PEX5L: variants seen among roughly 807,000 people sequenced by gnomAD.
The protein encoded by PEX5L is PEX5-related protein.
Under a neutral mutation model 84.0 loss-of-function variants are expected in PEX5L, and 30 were observed. That is an observed-to-expected ratio of 0.36 (90% CI 0.27 to 0.48). PEX5L has a LOEUF of 0.48. Among genes scored for constraint, PEX5L ranks in the 20% least tolerant of loss-of-function variants. The pLI, the probability that PEX5L is intolerant of heterozygous loss-of-function variation, is 0.99. For synonymous variants in PEX5L, 270 were observed against 283.1 expected (o/e 0.95, Z 0.46); for missense variants, 533 against 754.6 (o/e 0.71, Z 3.44).
intron 3 of PEX5L, 35 bp from the exon 4 acceptor site, chr3:179,887,819 T>C: frequency 7.3e-7 from 1 of 1,378,794 alleles, no homozygotes; most frequent in South Asian, 1.2e-5. Flanking sequence ...CAAAGGGCTT[T>C]GTTAAACTGC....
At chr3:179,860,979 A>T (rs1745912617) in intron 7 of PEX5L, among the ~76,000 whole-genome samples, 1 of 152,232 alleles carries the variant, frequency 6.6e-6, no homozygotes. Flanking sequence ...GGGCCGTTGC[A>T]TAGGTGAGGA....
intron 8 of PEX5L, among the ~76,000 whole-genome samples, chr3:179,839,247 G>C (rs1414312961): frequency 6.6e-6 from 1 of 152,012 alleles, no homozygotes; most frequent in Non-Finnish European, 1.5e-5. Context: ...ATAAATTAAA[G>C]GTTTTCAACT....
Position 180,036,694 on chromosome 3 carries a change from G to C in PEX5L, c.-95C>G. 4 of 1,434,376 alleles carry C rather than the reference G, an allele frequency of 2.8e-6. No individual in the cohort carries two copies. Among genetic ancestry groups the C allele is most frequent in the Non-Finnish European group, 3.9e-6 (4 of 1,016,432 alleles). The allele number at this position is 1,434,376 out of a possible 1,614,324, so 88.9% of individuals were successfully genotyped here. A position where few individuals can be genotyped will look rare whatever the true frequency, so the allele number is the denominator to read the frequency against. On this transcript the variant is annotated 5_prime_UTR_variant, in exon 1 of 15. Coordinates refer to ENST00000467460, the MANE Select transcript of PEX5L (RefSeq NM_016559.3). ...AAAGAGGGGAAAAGGTGGGTGCACA[G>C]CGGGTTCTCAGAGGGTGCTCCTGAG...
chr3:179,932,564 A>G (rs1773395782), intron 2 of PEX5L, among the ~76,000 whole-genome samples: 1 of 152,210 alleles, frequency 6.6e-6, no homozygotes, highest in African/African-American at 2.4e-5. Context: ...GCAAATGCAT[A>G]TAAGACATTT....
chr3:179,851,615 G>A (rs570945115), intron 8 of PEX5L, among the ~76,000 whole-genome samples: 13 of 152,292 alleles, frequency 8.5e-5, no homozygotes, highest in African/African-American at 2.9e-4. Flanking sequence ...ATAAAATGCT[G>A]TGGGAGGCAA....
chr3:180,036,429 G>T, intron 1 of PEX5L, 150 bp downstream of exon 1: 3 of 799,158 alleles, frequency 3.8e-6, no homozygotes, highest in Non-Finnish European at 2.2e-6. Flanking sequence ...AGTTTTCCCG[G>T]CAGCACCGGA....
In PEX5L at chr3:179,810,002, C is replaced by CTT. The variant is rs35662193; in HGVS notation, c.1155-336_1155-335dup. Among the ~76,000 whole-genome samples the CTT allele has an allele frequency of 4.0e-3, 181 of 45,308 alleles. 21 individuals carry two copies. Among genetic ancestry groups the CTT allele is most frequent in the African/African-American group, 0.013 (144 of 10,992 alleles). 29.7% of individuals were successfully genotyped at this position (45,308 alleles called of 152,430 possible). ...AGGGGATATCATTATTTTAATGCTGCTTTTTTTTTTTTTTTTTTTTTTTTT... is the reference window on the plus strand; with the variant it reads ...AGGGGATATCATTATTTTAATGCTGCTTTTTTTTTTTTTTTTTTTTTTTTTTT... On this transcript the variant is annotated intron_variant, in intron 11 of 14. Transcript: ENST00000467460.
intron 8 of PEX5L, among the ~76,000 whole-genome samples, chr3:179,836,242 G>C (rs567222461): frequency 6.6e-6 from 1 of 152,236 alleles, no homozygotes; most frequent in East Asian, 1.9e-4. Flanking sequence ...GTCAGGAGGA[G>C]CACATTTTAT....
intron 2 of PEX5L, among the ~76,000 whole-genome samples, chr3:179,958,863 T>C (rs1781290391): frequency 6.6e-6 from 1 of 152,082 alleles, no homozygotes; most frequent in African/African-American, 2.4e-5. Flanking sequence ...AAACCAATGC[T>C]TCCTAGGAGC....
Position 179,805,144 on chromosome 3 carries a change from GTC to G in PEX5L, c.1676+2528_1676+2529del, listed in dbSNP as rs1560154330. Among the ~76,000 whole-genome samples, 4 of 133,310 alleles carry G rather than the reference GTC, an allele frequency of 3.0e-5. 1 individual carries two copies. Among genetic ancestry groups the G allele is most frequent in the Non-Finnish European group, 6.2e-5 (4 of 64,196 alleles). 87.5% of individuals were successfully genotyped at this position (133,310 alleles called of 152,430 possible). On this transcript the variant is annotated intron_variant, in intron 14 of 14. Transcript: ENST00000467460. Reference sequence around the variant, plus strand: ...AAAAAAAATTACGTCTCACTCGATGGTCTTTTTTTTTTTTTTTTTTTTTTTCA... The same window carrying G: ...AAAAAAAATTACGTCTCACTCGATGGTTTTTTTTTTTTTTTTTTTTTTTCA...
At chr3:179,891,592 A>G (rs1341162069) in intron 3 of PEX5L, among the ~76,000 whole-genome samples, 3 of 152,176 alleles carry the variant, frequency 2.0e-5, no homozygotes, top group Admixed American at 6.6e-5. Flanking sequence ...TAGAATGTCT[A>G]TGTCTAAAAG....
chr3:179,843,670 T>C (rs897967469), intron 8 of PEX5L, among the ~76,000 whole-genome samples: 7 of 152,182 alleles, frequency 4.6e-5, no homozygotes, highest in Non-Finnish European at 1.0e-4. Flanking sequence ...CAGAGATAAA[T>C]TATTAATCAC....
chr3:179,803,168 G>A (rs1056493260), intron 14 of PEX5L, among the ~76,000 whole-genome samples: 1 of 152,190 alleles, frequency 6.6e-6, no homozygotes, highest in Non-Finnish European at 1.5e-5. Flanking sequence ...AAGCAGGTGT[G>A]AGAGTGTGTC....
At chr3:179,878,154 A>G (rs1482753428) in intron 5 of PEX5L, among the ~76,000 whole-genome samples, 1 of 152,180 alleles carries the variant, frequency 6.6e-6, no homozygotes, top group Non-Finnish European at 1.5e-5. Context: ...TCAAAGCTGA[A>G]CTCAATAGTT....
intron 1 of PEX5L, 105 bp from the exon 2 acceptor site, chr3:179,971,770 C>G (rs763497462): frequency 1.8e-5 from 19 of 1,070,332 alleles, no homozygotes; most frequent in Non-Finnish European, 2.3e-5. Context: ...GTTCACCAGT[C>G]ATAATGCATC....
At chr3:179,859,828 G>A (rs1745370639) in intron 7 of PEX5L, among the ~76,000 whole-genome samples, 1 of 152,114 alleles carries the variant, frequency 6.6e-6, no homozygotes, top group African/African-American at 2.4e-5. Flanking sequence ...TCTTAACTTA[G>A]CTAAATGCAA....
At chr3:180,030,245 C>T (rs900510695) in intron 1 of PEX5L, among the ~76,000 whole-genome samples, 3 of 152,172 alleles carry the variant, frequency 2.0e-5, no homozygotes, top group South Asian at 4.1e-4. Flanking sequence ...CTCCACAAGG[C>T]ATAATGTCTT....
At chr3:179,862,301 T>A (rs79532868) in intron 7 of PEX5L, among the ~76,000 whole-genome samples, 2,275 of 152,324 alleles carry the variant, frequency 0.015, 70 homozygotes, top group African/African-American at 0.053. Flanking sequence ...TTTTGCTATA[T>A]CTGGCCACCA....
chr3:179,873,304 T>C (rs1420810550), intron 7 of PEX5L, among the ~76,000 whole-genome samples: 1 of 152,210 alleles, frequency 6.6e-6, no homozygotes, highest in Non-Finnish European at 1.5e-5. Flanking sequence ...ATTATAATTA[T>C]TTGTTTATTT....
Sources: gnomAD v4.1 joint callset for allele counts (sites outside exome capture counted in the v4.1 genomes callset) on GRCh38, gnomAD v4.1.1 for gene constraint, MANE v1.5 for transcripts, NCBI Gene and HGNC (gene_info 2026-07-23, HGNC 2026-07-21) for gene names.